VDR: variants seen among roughly 807,000 people sequenced by gnomAD.
The protein encoded by VDR is vitamin D receptor.
In VDR, 19 loss-of-function variants were observed where a neutral mutation model predicts 39.7. That is an observed-to-expected ratio of 0.48 (90% CI 0.33 to 0.70). The LOEUF (loss-of-function observed/expected upper bound fraction) is 0.70. Ranked by LOEUF, VDR falls within the 30% of genes least tolerant of loss-of-function variation. The pLI is 0.02. For missense variants in VDR, 442 were observed against 570.5 expected, an observed-to-expected ratio of 0.77 and a Z score of 2.29; for synonymous variants, 242 against 215.8, an observed-to-expected ratio of 1.12 and a Z score of -1.07.
intron 1 of VDR, among the ~76,000 whole-genome samples, chr12:47,885,413 C>A (rs1337013394): frequency 1.3e-5 from 2 of 152,264 alleles, no homozygotes; most frequent in African/African-American, 4.8e-5. Context: ...CAGGCGGCCC[C>A]ATCTTGCGGC....
chr12:47,850,177 T>C (rs1245777499), intron 7 of VDR, among the ~76,000 whole-genome samples: 2 of 152,178 alleles, frequency 1.3e-5, no homozygotes, highest in Non-Finnish European at 2.9e-5. Context: ...TCTATGCAAA[T>C]ATATATATAC....
At chr12:47,887,322 C>CAAAAAAAAA (rs10686139) in intron 1 of VDR, among the ~76,000 whole-genome samples, 4 of 72,088 alleles carry the variant, frequency 5.5e-5, no homozygotes, top group East Asian at 3.9e-4. Context: ...AACTCCGTCT[C>CAAAAAAAAA]AAAAAAAAAA....
intron 7 of VDR, among the ~76,000 whole-genome samples, chr12:47,853,686 C>T (rs1430862193): frequency 6.6e-6 from 1 of 152,050 alleles, no homozygotes; most frequent in Non-Finnish European, 1.5e-5. Context: ...ACCCAGGAGG[C>T]AGAGGTTGCA....
intron 3 of VDR, among the ~76,000 whole-genome samples, chr12:47,878,083 C>T (rs1460287004): frequency 6.6e-5 from 10 of 152,172 alleles, no homozygotes; most frequent in South Asian, 2.1e-4. Flanking sequence ...ACAACCAAGC[C>T]GACCTCAGCA....
chr12:47,860,515 A>G (rs924592496), intron 4 of VDR, among the ~76,000 whole-genome samples: 7 of 152,232 alleles, frequency 4.6e-5, no homozygotes, highest in Non-Finnish European at 1.0e-4. Flanking sequence ...TATTGAAACA[A>G]TTGTTATGGA....
intron 4 of VDR, among the ~76,000 whole-genome samples, chr12:47,863,515 G>A (rs543369482): frequency 1.3e-5 from 2 of 152,272 alleles, no homozygotes; most frequent in Non-Finnish European, 2.9e-5. Flanking sequence ...GGACTGTGCT[G>A]AGCACACCTT....
At chr12:47,853,429 C>G (rs1335556312) in intron 7 of VDR, among the ~76,000 whole-genome samples, 2 of 132,672 alleles carry the variant, frequency 1.5e-5, no homozygotes, top group African/African-American at 2.9e-5. Flanking sequence ...GGCGACAGAG[C>G]GAGACTCTGC....
At chr12:47,881,352 G>T (rs959434745) in intron 2 of VDR, among the ~76,000 whole-genome samples, 2 of 152,156 alleles carry the variant, frequency 1.3e-5, no homozygotes, top group African/African-American at 4.8e-5. Flanking sequence ...CAAGTGGACA[G>T]GGGCAGGGGC....
intron 1 of VDR, among the ~76,000 whole-genome samples, chr12:47,889,641 T>C (rs1946326265): frequency 6.6e-6 from 1 of 152,152 alleles, no homozygotes; most frequent in Non-Finnish European, 1.5e-5. Context: ...GGATATCTGC[T>C]ACAGGGAAAA....
chr12:47,848,555 CTTTTTTTTTTTTTTTT>C (rs1162881183), intron 7 of VDR, among the ~76,000 whole-genome samples: 2 of 58,116 alleles, frequency 3.4e-5, no homozygotes, highest in Non-Finnish European at 5.7e-5. Context: ...TTTTCTACTC[CTTTTTTTTTTTTTTTT>C]TTTTTTTTTT....
At chr12:47,853,315 C>T (rs1338248779) in intron 7 of VDR, among the ~76,000 whole-genome samples, 1 of 151,506 alleles carries the variant, frequency 6.6e-6, no homozygotes, top group Non-Finnish European at 1.5e-5. Flanking sequence ...TAGTGGCGGG[C>T]GCCTGTCATC....
At chr12:47,890,089 T>C (rs1946339046) in intron 1 of VDR, among the ~76,000 whole-genome samples, 1 of 151,642 alleles carries the variant, frequency 6.6e-6, no homozygotes, top group Non-Finnish European at 1.5e-5. Flanking sequence ...ACCAAGCAAC[T>C]AGAACATGAT....
At chr12:47,876,777 G>T (rs1030923778) in intron 3 of VDR, among the ~76,000 whole-genome samples, 2 of 152,200 alleles carry the variant, frequency 1.3e-5, no homozygotes, top group African/African-American at 4.8e-5. Context: ...CTGTCCTGAG[G>T]ATTCCCAGCC....
intron 7 of VDR, among the ~76,000 whole-genome samples, chr12:47,854,803 G>A (rs575035161): frequency 6.6e-6 from 1 of 152,386 alleles, no homozygotes; most frequent in African/African-American, 2.4e-5. Flanking sequence ...GCAGAGTAAC[G>A]CAAGACAGGC....
Position 47,844,738 on chromosome 12 carries a change from T to C in VDR, c.*8A>G, listed in dbSNP as rs754368125. On this transcript the variant is annotated 3_prime_UTR_variant, in exon 10 of 10. Coordinates refer to ENST00000549336, the MANE Select transcript of VDR (RefSeq NM_000376.3). Reference sequence around the variant, plus strand: ...GCCCCACCCAGGCACCGCCACAGGCTGTCCTAGTCAGGAGATCTCATTGCC... The same window carrying C: ...GCCCCACCCAGGCACCGCCACAGGCCGTCCTAGTCAGGAGATCTCATTGCC... 2 of 1,613,938 alleles carry C rather than the reference T, an allele frequency of 1.2e-6. No homozygotes were observed. Among genetic ancestry groups the C allele is most frequent in the South Asian group, 1.1e-5 (1 of 91,088 alleles).
chr12:47,853,710 G>A (rs955706337), intron 7 of VDR, among the ~76,000 whole-genome samples: 8 of 152,132 alleles, frequency 5.3e-5, no homozygotes, highest in African/African-American at 7.2e-5. Context: ...AGTTGAGATC[G>A]CGTCATTGTA....
intron 1 of VDR, among the ~76,000 whole-genome samples, chr12:47,886,704 T>C (rs1332764619): frequency 6.6e-6 from 1 of 152,244 alleles, no homozygotes; most frequent in African/African-American, 2.4e-5. Context: ...ATCTCAAGAT[T>C]GGAAGGCAAC....
chr12:47,894,557 C>G (rs1227778548), intron 1 of VDR, among the ~76,000 whole-genome samples: 1 of 152,236 alleles, frequency 6.6e-6, no homozygotes, highest in Non-Finnish European at 1.5e-5. Context: ...CCTCCTGCTT[C>G]CCTTCACTCC....
At chr12:47,890,165 C>T (rs575970267) in intron 1 of VDR, among the ~76,000 whole-genome samples, 4 of 151,716 alleles carry the variant, frequency 2.6e-5, no homozygotes, top group East Asian at 1.9e-4. Flanking sequence ...CGAAACAAGG[C>T]GGGGAGGGAT....
Sources: gnomAD v4.1 joint callset for allele counts (sites outside exome capture counted in the v4.1 genomes callset) on GRCh38, gnomAD v4.1.1 for gene constraint, MANE v1.5 for transcripts, NCBI Gene and HGNC (gene_info 2026-07-23, HGNC 2026-07-21) for gene names.